The following CALY variants were observed in gnomAD, a reference collection of about 807,000 sequenced individuals.
The protein encoded by CALY is neuron-specific vesicular protein calcyon.
CALY carries 15 observed loss-of-function variants against 20.2 expected under a neutral mutation model. That is an observed-to-expected ratio of 0.74 (90% CI 0.50 to 1.14). CALY has a LOEUF of 1.14. Among genes scored for constraint, CALY ranks in the 50% most tolerant of loss-of-function variants. CALY has a pLI of 0.00. For synonymous variants in CALY, 129 were observed against 131.8 expected (o/e 0.98, Z 0.15); for missense variants, 270 against 304.4 (o/e 0.89, Z 0.84).
At chr10:133,333,275 G>A (rs1382114432) in intron 1 of CALY, among the ~76,000 whole-genome samples, 1 of 85,760 alleles carries the variant, frequency 1.2e-5, no homozygotes, top group Non-Finnish European at 2.4e-5. Context: ...GGATCCGAGG[G>A]AGAAGGATTG....
In CALY at chr10:133,328,878, G is replaced by T; in HGVS notation, c.112C>A (p.Leu38Ile). The T allele has an allele frequency of 6.5e-7, 1 of 1,545,550 alleles. No individual in the cohort carries two copies. Among genetic ancestry groups the T allele is most frequent in the Non-Finnish European group, 8.7e-7 (1 of 1,146,114 alleles). ...PLISPLDISQ[L>I]QPPLPDQVVI... ...ACCTGGTCAGGGAGTGGCGGCTGGA[G>T]CTGGCTGATGTCCAAGGGGCTGATC... Residue 38 changes from leucine (L) to isoleucine (I), a missense_variant, in exon 2 of 6, where the codon CTC (leucine) becomes ATC (isoleucine). Coordinates refer to ENST00000252939, the MANE Select transcript of CALY (RefSeq NM_015722.4).
rs200198414 is a variant in CALY at position 133,326,951 on chromosome 10, A to T, written c.287T>A (p.Leu96Gln). 2.7e-5 allele frequency: 43 copies of T among 1,611,028 alleles called. No homozygotes were observed. Among genetic ancestry groups the T allele is most frequent in the Non-Finnish European group, 3.5e-5 (41 of 1,179,468 alleles). ...CTTGTACATGATCAGCACGCAGCCCAGTAGCGCCATGGCGAAGGCGATCAT... is the reference window on the plus strand; with the variant it reads ...CTTGTACATGATCAGCACGCAGCCCTGTAGCGCCATGGCGAAGGCGATCAT... ...ARMIAFAMAL[L>Q]GCVLIMYKAI... Residue 96 changes from leucine to glutamine, a missense_variant, in exon 4 of 6, where the codon CTG (leucine) becomes CAG (glutamine). Physicochemically the swap from Leu to Gln is moderately radical, Grantham distance 113. Coordinates refer to ENST00000252939, the MANE Select transcript of CALY (RefSeq NM_015722.4).
Position 133,333,292 on chromosome 10 carries a change from T to TGG in CALY, c.-21+3540_-21+3541dup, listed in dbSNP as rs371029336. Among the ~76,000 whole-genome samples the TGG allele has an allele frequency of 8.6e-3, 314 of 36,656 alleles. 4 individuals are homozygous for TGG. Among genetic ancestry groups the TGG allele is most frequent in the African/African-American group, 0.018 (183 of 10,332 alleles). 24.0% of individuals were successfully genotyped at this position (36,656 alleles called of 152,430 possible). A position where few individuals can be genotyped will look rare whatever the true frequency, so the allele number is the denominator to read the frequency against. Reference sequence around the variant, plus strand: ...ATCCGAGGGAGAAGGATTGAGGGGGTGGGGGGGGGGGAAGGATCCGAGGGG... The same window carrying TGG: ...ATCCGAGGGAGAAGGATTGAGGGGGTGGGGGGGGGGGGGAAGGATCCGAGGGG... On this transcript the variant is annotated intron_variant, in intron 1 of 5. Transcript: ENST00000252939.
chr10:133,327,934 T>G lies in CALY; in HGVS notation c.217A>C (p.Asn73His). The G allele has an allele frequency of 6.2e-7, 1 of 1,612,968 alleles. No homozygotes were observed. ...NFPDLEGQRL[N>H]CSHPEEGRRL... ...CGCCCTTCCTCTGGGTGGCTGCAGT[T>G]CAGCCTCTGGCCCTCCAGGTCAGGG... Residue 73 changes from asparagine to histidine, a missense_variant, in exon 3 of 6, where the codon AAC becomes CAC. Transcript: ENST00000252939.
chr10:133,335,689 G>A (rs1848428356), intron 1 of CALY, among the ~76,000 whole-genome samples: 1 of 152,224 alleles, frequency 6.6e-6, no homozygotes, highest in Admixed American at 6.5e-5. Flanking sequence ...TCCTCCCACG[G>A]ATGACACGCG....
At chr10:133,329,954 T>C (rs1482905995) in intron 1 of CALY, among the ~76,000 whole-genome samples, 1 of 152,102 alleles carries the variant, frequency 6.6e-6, no homozygotes, top group Non-Finnish European at 1.5e-5. Flanking sequence ...AGCCTGGCGC[T>C]AAAGGCCGCG....
Position 133,326,895 on chromosome 10 carries a change from C to G in CALY, c.343G>C (p.Asp115His), listed in dbSNP as rs1344268348. ...AIWYDQFTCP[D>H]GFLLRHKICT... ...CCCCTTACCCGCAGCAGGAAGCCGT[C>G]GGGGCAGGTGAACTGGTCGTACCAG... Residue 115 changes from aspartate to histidine, a missense_variant, in exon 4 of 6, where the codon GAC becomes CAC. Physicochemically the swap from Asp to His is moderately conservative, Grantham distance 81. Transcript: ENST00000252939. 6.2e-7 allele frequency: 1 copy of G among 1,608,046 alleles called. No individual in the cohort carries two copies. Among genetic ancestry groups the G allele is most frequent in the African/African-American group, 1.3e-5 (1 of 74,900 alleles).
chr10:133,328,099 G>A (rs1020072388), intron 2 of CALY, 84 bp from the exon 3 acceptor site: 21 of 823,068 alleles, frequency 2.6e-5, no homozygotes, highest in Middle Eastern at 4.6e-4. Context: ...GGGAGCCAGC[G>A]TCAGCTTCGT....
At chr10:133,330,910 G>A (rs1200734624) in intron 1 of CALY, among the ~76,000 whole-genome samples, 1 of 152,164 alleles carries the variant, frequency 6.6e-6, no homozygotes, top group Non-Finnish European at 1.5e-5. Flanking sequence ...ACCACTGCGA[G>A]GCCCCAAAGC....
chr10:133,333,602 G>A (rs1848360183), intron 1 of CALY, among the ~76,000 whole-genome samples: 1 of 151,186 alleles, frequency 6.6e-6, no homozygotes, highest in South Asian at 2.1e-4. Flanking sequence ...TCGGAGAGCG[G>A]AGGTATCTGA....
chr10:133,332,598 A>T (rs1029452612), intron 1 of CALY, among the ~76,000 whole-genome samples: 1 of 152,200 alleles, frequency 6.6e-6, no homozygotes. Context: ...GCAACCCACA[A>T]ATGATGAGGG....
Position 133,335,920 on chromosome 10 carries a change from C to T in CALY, c.-21+914G>A, listed in dbSNP as rs559826798. 1.7e-3 allele frequency among the ~76,000 whole-genome samples: 257 copies of T among 152,174 alleles called. 3 individuals are homozygous for T. Among genetic ancestry groups the T allele is most frequent in the Non-Finnish European group, 2.9e-3 (200 of 67,960 alleles). On this transcript the variant is annotated intron_variant, in intron 1 of 5. Coordinates refer to ENST00000252939, the MANE Select transcript of CALY (RefSeq NM_015722.4). ...GCCGTGCAGATGGACAGATGGATGGCGGGGGCGGGGGTGCAGGCTCTCAGT... is the reference window on the plus strand; with the variant it reads ...GCCGTGCAGATGGACAGATGGATGGTGGGGGCGGGGGTGCAGGCTCTCAGT...
chr10:133,333,025 G>A (rs1589855183), intron 1 of CALY, among the ~76,000 whole-genome samples: 1 of 151,800 alleles, frequency 6.6e-6, no homozygotes, highest in South Asian at 2.1e-4. Flanking sequence ...TGACAGCAGC[G>A]CGAGGATGTC....
chr10:133,326,336 A>G, intron 4 of CALY: 1 of 1,430,356 alleles, frequency 7.0e-7, no homozygotes, highest in South Asian at 1.2e-5. Context: ...CCACCCAGGG[A>G]GAGGGGCGCA....
chr10:133,329,887 C>A (rs1272730803), intron 1 of CALY, among the ~76,000 whole-genome samples: 2 of 152,226 alleles, frequency 1.3e-5, no homozygotes, highest in Admixed American at 1.3e-4. Flanking sequence ...CTGCCAGAGA[C>A]GCACGAAGTG....
chr10:133,325,650 T>G, intron 5 of CALY, 84 bp from the exon 6 acceptor site: 1 of 365,306 alleles, frequency 2.7e-6, no homozygotes, highest in Non-Finnish European at 4.6e-6. Flanking sequence ...CGGGCTCGGA[T>G]TCGCAACCCC....
chr10:133,324,625 G>A lies in CALY; in HGVS notation c.*970C>T, dbSNP rs1464798276. 6.5e-6 allele frequency: 2 copies of A among 309,058 alleles called. No homozygotes were observed. Among genetic ancestry groups the A allele is most frequent in the African/African-American group, 5.2e-5 (2 of 38,192 alleles). 19.1% of individuals were successfully genotyped at this position (309,058 alleles called of 1,614,324 possible). On this transcript the variant is annotated 3_prime_UTR_variant, in exon 6 of 6. Transcript: ENST00000252939. ...GGGTGGGCGGGGCTGCAGAGCTGCT[G>A]CTGGCTGGGGTGGGCGGGGCTGCAG...
intron 5 of CALY, 98 bp downstream of exon 5, chr10:133,325,701 A>G (rs1848190865): frequency 3.9e-6 from 2 of 515,990 alleles, no homozygotes; most frequent in Non-Finnish European, 5.7e-6. Context: ...AGGGAAGAGG[A>G]AGGGAAGGGT....
intron 1 of CALY, 26 bp from the exon 2 acceptor site, chr10:133,329,035 G>A: frequency 6.6e-7 from 1 of 1,504,972 alleles, no homozygotes; most frequent in South Asian, 1.2e-5. Context: ...CAGAGTCACT[G>A]CCCACAGGCT....
Sources: allele counts gnomAD v4.1 joint callset (sites outside exome capture counted in the v4.1 genomes callset), GRCh38; gene constraint gnomAD v4.1.1; transcripts MANE v1.5; gene names NCBI Gene and HGNC (gene_info 2026-07-23, HGNC 2026-07-21).